PIAS4: variants seen among roughly 807,000 people sequenced by gnomAD.
PIAS4 encodes E3 SUMO-protein ligase PIAS4.
In PIAS4, 7 loss-of-function variants were observed where a neutral mutation model predicts 58.0. The ratio of observed to expected loss-of-function variants is 0.12; its 90% CI spans 0.07 to 0.23. The LOEUF is 0.23. Ranked by LOEUF, PIAS4 falls within the 10% of genes least tolerant of loss-of-function variation. PIAS4 has a pLI of 1.00. For missense variants in PIAS4, 550 were observed against 709.5 expected (o/e 0.78, Z 2.55); for synonymous variants, 364 against 312.4 (o/e 1.17, Z -1.74).
intron 5 of PIAS4, 24 bp from the exon 6 acceptor site, chr19:4,028,696 G>C (rs1296797534): frequency 6.2e-7 from 1 of 1,604,250 alleles, no homozygotes; most frequent in East Asian, 2.2e-5. Context: ...TTGGCTCGAG[G>C]CTGAGCGGCC....
chr19:4,028,605 G>A lies in PIAS4; in HGVS notation c.672+5G>A. On this transcript the variant is annotated splice_donor_5th_base_variant and intron_variant, in intron 5 of 10. Transcript: ENST00000262971. ...CACAGCTACTGCTCCGTCCCGGTGA[G>A]CATGCCCCGCCCCCGCGTCGGCTGC... 1 of 1,612,336 alleles carries A rather than the reference G, an allele frequency of 6.2e-7. No homozygotes were observed. Among genetic ancestry groups the A allele is most frequent in the Non-Finnish European group, 8.5e-7 (1 of 1,179,520 alleles).
chr19:4,019,602 C>T (rs552781652), intron 2 of PIAS4, among the ~76,000 whole-genome samples: 63 of 152,328 alleles, frequency 4.1e-4, no homozygotes, highest in African/African-American at 1.3e-3. Flanking sequence ...GTGCAGCCTC[C>T]CTGCCCCTGA....
chr19:4,033,894 CTG>C (rs1193705971), intron 9 of PIAS4, among the ~76,000 whole-genome samples: 1 of 152,200 alleles, frequency 6.6e-6, no homozygotes, highest in Non-Finnish European at 1.5e-5. Context: ...CCACAAAAAA[CTG>C]AGCCAGGTCG....
At chr19:4,020,758 C>T (rs1385574943) in intron 2 of PIAS4, among the ~76,000 whole-genome samples, 1 of 152,198 alleles carries the variant, frequency 6.6e-6, no homozygotes, top group Non-Finnish European at 1.5e-5. Context: ...GCACACCTGG[C>T]TCAGGCTTAT....
At position 4,037,511 on chromosome 19, in the gene PIAS4, G is replaced by T; in HGVS notation, c.1273+7G>T. 6.2e-7 allele frequency: 1 copy of T among 1,609,510 alleles called. No homozygotes were observed. ...GGCGCCATCCTCGTGCTGGGTGAGT[G>T]CCTCACCCCACCAGCCGCGCAGTCC... On this transcript the variant is annotated splice_region_variant and intron_variant, in intron 10 of 10. Transcript: ENST00000262971. This position sits in a 1 kb window ranked among gnomAD's most constrained non-coding sequence, Gnocchi z 5.8.
At chr19:4,015,082 G>A (rs545587281) in intron 2 of PIAS4, among the ~76,000 whole-genome samples, 2 of 152,344 alleles carry the variant, frequency 1.3e-5, no homozygotes, top group African/African-American at 4.8e-5. Flanking sequence ...TTGGCCCAGT[G>A]GCACCTGTCC....
intron 2 of PIAS4, among the ~76,000 whole-genome samples, chr19:4,018,187 C>G (rs1440179003): frequency 6.6e-6 from 1 of 152,258 alleles, no homozygotes; most frequent in African/African-American, 2.4e-5. Context: ...TCCTAGAAAA[C>G]TGGAGTCAAC....
chr19:4,033,650 C>T (rs2040246840), intron 9 of PIAS4, 70 bp downstream of exon 9: 1 of 1,274,976 alleles, frequency 7.8e-7, no homozygotes, highest in Non-Finnish European at 1.1e-6. Flanking sequence ...CACCCCGCTT[C>T]CTGCAGACCA....
intron 8 of PIAS4, 50 bp from the exon 9 acceptor site, chr19:4,033,370 G>T: frequency 6.6e-7 from 1 of 1,515,182 alleles, no homozygotes. Flanking sequence ...GCACCGGGCA[G>T]GCGGGCACAA....
At chr19:4,032,365 C>T (rs1309205686) in intron 7 of PIAS4, among the ~76,000 whole-genome samples, 1 of 152,094 alleles carries the variant, frequency 6.6e-6, no homozygotes, top group Non-Finnish European at 1.5e-5. Context: ...CCCCCATGGC[C>T]CAGGGCTGGG....
chr19:4,014,397 C>T (rs2040030965), intron 2 of PIAS4, among the ~76,000 whole-genome samples: 1 of 152,142 alleles, frequency 6.6e-6, no homozygotes, highest in Admixed American at 6.5e-5. Context: ...GCCTCCGCAG[C>T]CCCAGCCCCC....
intron 7 of PIAS4, among the ~76,000 whole-genome samples, chr19:4,032,551 A>G (rs755750): frequency 0.054 from 8,195 of 152,206 alleles, 726 homozygotes; most frequent in African/African-American, 0.19. Context: ...ATGTTTCCCC[A>G]TGTTCCGTGC....
intron 7 of PIAS4, among the ~76,000 whole-genome samples, chr19:4,029,923 AG>A (rs1238282687): frequency 1.4e-5 from 2 of 147,874 alleles, no homozygotes; most frequent in Non-Finnish European, 3.0e-5. Context: ...CCTGGGTTCA[AG>A]CGATTCTTCT....
chr19:4,027,452 G>T (rs1373747701), intron 3 of PIAS4, among the ~76,000 whole-genome samples: 2 of 152,066 alleles, frequency 1.3e-5, no homozygotes, highest in African/African-American at 4.8e-5. Context: ...GTTTGTGGCT[G>T]TTGTGGTCAG....
chr19:4,028,342 C>T, intron 4 of PIAS4, 155 bp downstream of exon 4: 1 of 794,324 alleles, frequency 1.3e-6, no homozygotes, highest in Non-Finnish European at 2.1e-6. Context: ...GGGGATACAT[C>T]ACCATCCGAC....
At position 4,029,165 on chromosome 19, in the gene PIAS4, C is replaced by A; in HGVS notation, c.907+129C>A. On this transcript the variant is annotated intron_variant, in intron 7 of 10. Coordinates refer to ENST00000262971, the MANE Select transcript of PIAS4 (RefSeq NM_015897.4). ...AGGGGCCGCCTGTCACTCTGGGGGT[C>A]CATGGCCCCCCGGCTGTGGCTGGGG... 3.5e-5 allele frequency: 23 copies of A among 666,352 alleles called. No homozygotes were observed. The South Asian group carries it at 4.2e-4, about 12-fold the overall frequency. The allele number at this position is 666,352 out of a possible 1,614,324, so 41.3% of individuals were successfully genotyped here.
intron 9 of PIAS4, among the ~76,000 whole-genome samples, chr19:4,035,472 C>G (rs576720152): frequency 6.6e-6 from 1 of 152,160 alleles, no homozygotes; most frequent in East Asian, 1.9e-4. Context: ...GTTCCCTTCC[C>G]GAGCCTCTGT....
Position 4,028,925 on chromosome 19 carries a change from C to T in PIAS4, c.802-6C>T, listed in dbSNP as rs545051486. 3 of 1,610,518 alleles carry T rather than the reference C, an allele frequency of 1.9e-6. No homozygotes were observed. The South Asian group carries it at 3.3e-5, about 18-fold the overall frequency. ...GCCAGCCCTGACCCCTTCCTTCTGT[C>T]CCCAGAGCTACTCGGTGGCCCTGTA... is the stretch of plus-strand genomic sequence containing the variant. On this transcript the variant is annotated splice_region_variant and splice_polypyrimidine_tract_variant and intron_variant, in intron 6 of 10. Transcript: ENST00000262971.
chr19:4,018,058 T>C (rs1225403241), intron 2 of PIAS4, among the ~76,000 whole-genome samples: 1 of 152,188 alleles, frequency 6.6e-6, no homozygotes, highest in Non-Finnish European at 1.5e-5. Flanking sequence ...GTGATCCACC[T>C]GCCTCGGCCT....
Sources: gnomAD v4.1 joint callset for allele counts (sites outside exome capture counted in the v4.1 genomes callset) on GRCh38, gnomAD v4.1.1 for gene constraint, Gnocchi (gnomAD v3.1) non-coding constraint, MANE v1.5 for transcripts, NCBI Gene and HGNC (gene_info 2026-07-23, HGNC 2026-07-21) for gene names.